SLC4A5: variants seen among roughly 807,000 people sequenced by gnomAD.
SLC4A5 encodes the protein electrogenic sodium bicarbonate cotransporter 4.
Under a neutral mutation model 120.4 loss-of-function variants are expected in SLC4A5, and 96 were observed. The ratio of observed to expected loss-of-function variants is 0.80; its 90% CI spans 0.68 to 0.94. SLC4A5 has a LOEUF of 0.94. Among genes scored for constraint, SLC4A5 ranks in the 40% least tolerant of loss-of-function variants. The pLI, the probability that SLC4A5 is intolerant of heterozygous loss-of-function variation, is 0.00. For synonymous variants in SLC4A5, 550 were observed against 571.1 expected (o/e 0.96, Z 0.53); for missense variants, 1,259 against 1,459.5 (o/e 0.86, Z 2.24).
intron 4 of SLC4A5, among the ~76,000 whole-genome samples, chr2:74,333,490 T>C (rs1171566328): frequency 6.6e-6 from 1 of 151,996 alleles, no homozygotes; most frequent in Non-Finnish European, 1.5e-5. Context: ...TAAATAACAA[T>C]ACAACAATAA....
At chr2:74,253,295 C>T (rs1163255789) in intron 14 of SLC4A5, among the ~76,000 whole-genome samples, 167 bp from the exon 15 acceptor site, 3 of 152,176 alleles carry the variant, frequency 2.0e-5, no homozygotes, top group Admixed American at 6.5e-5. Context: ...AAATATGGCA[C>T]AATGGGACAC....
At chr2:74,323,924 A>C (rs1673153726) in intron 5 of SLC4A5, among the ~76,000 whole-genome samples, 1 of 152,242 alleles carries the variant, frequency 6.6e-6, no homozygotes, top group Admixed American at 6.5e-5. Context: ...GCCAGGAGAA[A>C]AAGCTAAAAG....
In SLC4A5 at chr2:74,304,735, T is replaced by A. The variant is rs1010917079; in HGVS notation, c.80-55A>T. On this transcript the variant is annotated intron_variant, in intron 6 of 30. Coordinates refer to ENST00000394019, the Ensembl canonical transcript of SLC4A5. ...GCAGGGTTACTGAAAATTGGCATTT[T>A]TTCATAATATTCATCAGTTACAAAG... is the stretch of plus-strand genomic sequence containing the variant. 14 of 1,526,784 alleles carry A rather than the reference T, an allele frequency of 9.2e-6. No homozygotes were observed. In the African/African-American group the frequency reaches 1.5e-4, roughly 17 times the overall value. 94.6% of individuals were successfully genotyped at this position (1,526,784 alleles called of 1,614,324 possible). A position where few individuals can be genotyped will look rare whatever the true frequency, so the allele number is the denominator to read the frequency against.
intron 3 of SLC4A5, among the ~76,000 whole-genome samples, chr2:74,336,553 G>A (rs1331941101): frequency 6.6e-6 from 1 of 152,172 alleles, no homozygotes. Flanking sequence ...AACATTGAGA[G>A]CAGTGCTTGG....
intron 12 of SLC4A5, among the ~76,000 whole-genome samples, chr2:74,257,731 C>A (rs2104015976): frequency 6.6e-6 from 1 of 152,178 alleles, no homozygotes; most frequent in South Asian, 2.1e-4. Flanking sequence ...GCATGTGCCA[C>A]CACGCCCGGC....
At chr2:74,265,900 G>A (rs1024433094) in intron 8 of SLC4A5, among the ~76,000 whole-genome samples, 1 of 152,158 alleles carries the variant, frequency 6.6e-6, no homozygotes, top group East Asian at 1.9e-4. Flanking sequence ...GGAATCATGG[G>A]CTGGGTGTTC....
At position 74,250,595 on chromosome 2, in the gene SLC4A5, A is replaced by G. The variant is rs1364619729; in HGVS notation, c.1479-78T>C. The G allele has an allele frequency of 1.9e-5, 29 of 1,559,684 alleles. No homozygotes were observed. The Admixed American group carries it at 5.3e-4, about 28-fold the overall frequency. On this transcript the variant is annotated intron_variant, in intron 16 of 30. Transcript: ENST00000394019. ...GGCAGGGCTATTTACAAGAACTTGCAGAGTCTGGGGCGAGGAAAGGAACTT... is the reference window on the plus strand; with the variant it reads ...GGCAGGGCTATTTACAAGAACTTGCGGAGTCTGGGGCGAGGAAAGGAACTT...
intron 26 of SLC4A5, 105 bp downstream of exon 26, chr2:74,227,705 C>A: frequency 1.7e-6 from 2 of 1,184,290 alleles, no homozygotes; most frequent in Non-Finnish European, 2.4e-6. Flanking sequence ...TGAATTAGGA[C>A]AATTGGGGAC....
chr2:74,304,348 G>T, intron 7 of SLC4A5, 141 bp downstream of exon 7: 1 of 824,132 alleles, frequency 1.2e-6, no homozygotes, highest in Non-Finnish European at 1.8e-6. Context: ...AATGGAAGCA[G>T]AGCAGAGGGG....
chr2:74,222,716 C>T, intron 29 of SLC4A5, 152 bp downstream of exon 29: 1 of 686,048 alleles, frequency 1.5e-6, no homozygotes, highest in Non-Finnish European at 2.6e-6. Flanking sequence ...AACTATCTTG[C>T]ACAAAACTTG....
exon 14 of SLC4A5, chr2:74,254,619 A>G: frequency 6.2e-7 from 1 of 1,613,774 alleles, no homozygotes; most frequent in Non-Finnish European, 8.5e-7. Flanking sequence ...TACCACTTAC[A>G]TCATCTACCA....
chr2:74,226,991 T>A (rs747021590), exon 27 of SLC4A5: 20 of 1,613,828 alleles, frequency 1.2e-5, no homozygotes, highest in Non-Finnish European at 1.5e-5. Context: ...CACCGTGGAT[T>A]TGAGGATCCA....
intron 3 of SLC4A5, among the ~76,000 whole-genome samples, chr2:74,334,681 A>C (rs904374830): frequency 2.6e-5 from 4 of 152,070 alleles, no homozygotes; most frequent in African/African-American, 9.7e-5. Flanking sequence ...CTGGCTCATA[A>C]ATGATTGGGT....
At chr2:74,295,323 A>G (rs1402109345) in intron 7 of SLC4A5, among the ~76,000 whole-genome samples, 1 of 152,156 alleles carries the variant, frequency 6.6e-6, no homozygotes, top group Non-Finnish European at 1.5e-5. Flanking sequence ...AGGGATATCT[A>G]ATATCTCATT....
chr2:74,219,291 C>T (rs753182562), intron 30 of SLC4A5, among the ~76,000 whole-genome samples: 33 of 151,732 alleles, frequency 2.2e-4, no homozygotes, highest in Non-Finnish European at 3.2e-4. Context: ...TTCTCTGCCC[C>T]GCTCTATGTC....
At chr2:74,227,266 G>A (rs986819830) in intron 26 of SLC4A5, 136 bp from the exon 27 acceptor site, 33 of 1,080,330 alleles carry the variant, frequency 3.1e-5, no homozygotes, top group African/African-American at 8.0e-5. Flanking sequence ...ATGCACGGGA[G>A]GGGGGCTGGA....
At chr2:74,226,538 C>A (rs955154320) in intron 27 of SLC4A5, among the ~76,000 whole-genome samples, 11 of 152,198 alleles carry the variant, frequency 7.2e-5, no homozygotes, top group Non-Finnish European at 1.6e-4. Context: ...TCTTCCCCTG[C>A]CCCCCTACTT....
chr2:74,280,390 G>C (rs183521260), intron 8 of SLC4A5, among the ~76,000 whole-genome samples: 4 of 152,218 alleles, frequency 2.6e-5, no homozygotes. Context: ...CCCCTTATTT[G>C]CCTCAGTGTC....
At position 74,255,921 on chromosome 2, in the gene SLC4A5, T is replaced by C. The variant is rs772806943; in HGVS notation, c.879A>G (p.Lys293=). The change falls in exon 13 of 31, where the codon AAA becomes AAG. Residue 293 remains lysine, a synonymous_variant. Coordinates refer to ENST00000394019, the Ensembl canonical transcript of SLC4A5. This position sits in a 1 kb window ranked among gnomAD's most constrained non-coding sequence, Gnocchi z 4.0. ...AGTCCTTGGGGATCTTCTTCATGAA[T>C]TTGTTTTTCCGCTGGACAGGGAGGG... The C allele has an allele frequency of 2.5e-6, 4 of 1,613,588 alleles. No homozygotes were observed. Among genetic ancestry groups the C allele is most frequent in the Non-Finnish European group, 3.4e-6 (4 of 1,179,676 alleles).
Sources: gnomAD v4.1 joint callset for allele counts (sites outside exome capture counted in the v4.1 genomes callset) on GRCh38, gnomAD v4.1.1 for gene constraint, Gnocchi (gnomAD v3.1) non-coding constraint, MANE v1.5 for transcripts, NCBI Gene and HGNC (gene_info 2026-07-23, HGNC 2026-07-21) for gene names.